FBXL7: variants seen among roughly 807,000 people sequenced by gnomAD.
FBXL7 encodes F-box and leucine rich repeat protein 7.
Under a neutral mutation model 38.3 loss-of-function variants are expected in FBXL7, and 12 were observed. The ratio of observed to expected loss-of-function variants is 0.31; its 90% CI spans 0.20 to 0.51. The LOEUF (loss-of-function observed/expected upper bound fraction) is 0.51. FBXL7 is among the 20% of genes least tolerant of loss of function. FBXL7 has a pLI of 0.98. For synonymous variants in FBXL7, 297 were observed against 300.9 expected (o/e 0.99, Z 0.13); for missense variants, 567 against 676.4 (o/e 0.84, Z 1.79).
intron 2 of FBXL7, among the ~76,000 whole-genome samples, chr5:15,696,788 G>A (rs763003072): frequency 2.0e-5 from 3 of 152,110 alleles, no homozygotes; most frequent in South Asian, 2.1e-4. Context: ...GTGGAACAAC[G>A]TCCTCTCCCT....
chr5:15,527,261 C>G (rs1452905456), intron 1 of FBXL7, among the ~76,000 whole-genome samples: 1 of 152,156 alleles, frequency 6.6e-6, no homozygotes, highest in East Asian at 1.9e-4. Context: ...CTTTTCACTG[C>G]CCTACATTTA....
At chr5:15,618,487 G>A (rs901093711) in intron 2 of FBXL7, among the ~76,000 whole-genome samples, 3 of 152,162 alleles carry the variant, frequency 2.0e-5, no homozygotes, top group Admixed American at 2.0e-4. Flanking sequence ...ACATTAAAAT[G>A]TATTTCAGGG....
At chr5:15,580,425 A>T (rs1417081050) in intron 1 of FBXL7, among the ~76,000 whole-genome samples, 1 of 152,116 alleles carries the variant, frequency 6.6e-6, no homozygotes, top group Non-Finnish European at 1.5e-5. Context: ...CCCTCTCTGG[A>T]TGGGGGCATG....
chr5:15,840,707 CACGGT>C (rs893962910), intron 2 of FBXL7, among the ~76,000 whole-genome samples: 1 of 151,910 alleles, frequency 6.6e-6, no homozygotes, highest in Admixed American at 6.6e-5. Context: ...ATTAGCTGGG[CACGGT>C]GGCACGCGCT....
At chr5:15,664,177 T>A (rs1376776832) in intron 2 of FBXL7, among the ~76,000 whole-genome samples, 3 of 152,184 alleles carry the variant, frequency 2.0e-5, no homozygotes, top group Admixed American at 1.3e-4. Flanking sequence ...ATAATTAGCT[T>A]ACCACCATCT....
rs80276716 is a variant in FBXL7 at position 15,566,231 on chromosome 5, G to A, written c.38-49752G>A. On this transcript the variant is annotated intron_variant, in intron 1 of 3. Coordinates refer to ENST00000504595, the MANE Select transcript of FBXL7 (RefSeq NM_012304.5). ...TGGGGTTCAAGCTTGCTATTGTCTT[G>A]AAAGACAATTTGGATGGGCATAGGA... is the stretch of plus-strand genomic sequence containing the variant. 4.3e-3 allele frequency among the ~76,000 whole-genome samples: 651 copies of A among 152,198 alleles called. 4 individuals are homozygous for A. The highest frequency in any genetic ancestry group is 0.015 in the African/African-American group (632 of 41,554).
At chr5:15,662,405 C>G (rs1343559483) in intron 2 of FBXL7, among the ~76,000 whole-genome samples, 1 of 152,104 alleles carries the variant, frequency 6.6e-6, no homozygotes, top group South Asian at 2.1e-4. Context: ...GGATATTATA[C>G]CTTTGTCAGA....
chr5:15,801,680 T>C (rs969305838), intron 2 of FBXL7, among the ~76,000 whole-genome samples: 31 of 144,638 alleles, frequency 2.1e-4, no homozygotes, highest in Non-Finnish European at 4.0e-4. Context: ...TGTGTGTGTT[T>C]GTGTGTGTGT....
intron 2 of FBXL7, among the ~76,000 whole-genome samples, chr5:15,920,597 T>G (rs943848779): frequency 6.6e-6 from 1 of 152,072 alleles, no homozygotes; most frequent in Non-Finnish European, 1.5e-5. Flanking sequence ...CTCGGCTCAC[T>G]GCAACCTCCA....
intron 2 of FBXL7, among the ~76,000 whole-genome samples, chr5:15,840,067 A>G (rs1223671937): frequency 6.6e-6 from 1 of 152,120 alleles, no homozygotes; most frequent in Non-Finnish European, 1.5e-5. Context: ...TTGCATTTTT[A>G]TAAATTATTT....
intron 2 of FBXL7, among the ~76,000 whole-genome samples, chr5:15,739,183 A>G (rs1424144143): frequency 6.6e-6 from 1 of 152,078 alleles, no homozygotes; most frequent in African/African-American, 2.4e-5. Context: ...TCTTCCCCGC[A>G]TCTCCAGCTG....
At chr5:15,725,634 T>TTTG (rs948634883) in intron 2 of FBXL7, among the ~76,000 whole-genome samples, 11 of 151,936 alleles carry the variant, frequency 7.2e-5, no homozygotes, top group Admixed American at 3.9e-4. Context: ...GGAAGATTGT[T>TTTG]TTGTTGTTGT....
intron 1 of FBXL7, chr5:15,580,485 G>A: frequency 3.5e-6 from 1 of 286,628 alleles, no homozygotes; most frequent in Non-Finnish European, 5.2e-6. Context: ...TGGTCAATAT[G>A]CCATACACTG....
intron 2 of FBXL7, among the ~76,000 whole-genome samples, chr5:15,745,444 T>C (rs1034684795): frequency 6.6e-6 from 1 of 152,174 alleles, no homozygotes; most frequent in Non-Finnish European, 1.5e-5. Context: ...GGACTTTATA[T>C]TTTAGGGAGA....
At chr5:15,694,513 G>C (rs1387613406) in intron 2 of FBXL7, among the ~76,000 whole-genome samples, 3 of 152,130 alleles carry the variant, frequency 2.0e-5, no homozygotes, top group Non-Finnish European at 4.4e-5. Flanking sequence ...CTTATAAATA[G>C]ATTTTACTAG....
chr5:15,548,802 C>T (rs563445213), intron 1 of FBXL7, among the ~76,000 whole-genome samples: 4 of 152,152 alleles, frequency 2.6e-5, no homozygotes, highest in African/African-American at 9.6e-5. Flanking sequence ...ATTTGTTTGG[C>T]TCAAATGGAG....
chr5:15,812,066 A>G (rs1255104960), intron 2 of FBXL7, among the ~76,000 whole-genome samples: 1 of 152,222 alleles, frequency 6.6e-6, no homozygotes, highest in African/African-American at 2.4e-5. Flanking sequence ...TATTTACAAT[A>G]GCAAAGACTT....
chr5:15,759,605 T>C (rs974775838), intron 2 of FBXL7, among the ~76,000 whole-genome samples: 3 of 152,180 alleles, frequency 2.0e-5, no homozygotes, highest in Non-Finnish European at 2.9e-5. Flanking sequence ...ATTCAGGAAA[T>C]GTAAATTATC....
intron 2 of FBXL7, among the ~76,000 whole-genome samples, chr5:15,773,651 T>TC: frequency 6.6e-6 from 1 of 152,152 alleles, no homozygotes; most frequent in South Asian, 2.1e-4. Flanking sequence ...TCAAAAAAAT[T>TC]TTTTTTCCAA....
Sources: allele counts gnomAD v4.1 joint callset (sites outside exome capture counted in the v4.1 genomes callset), GRCh38; gene constraint gnomAD v4.1.1; transcripts MANE v1.5; gene names NCBI Gene and HGNC (gene_info 2026-07-23, HGNC 2026-07-21).